Variants in ARHGAP42 observed in about 807,000 individuals in gnomAD.
ARHGAP42 encodes rho GTPase-activating protein 42.
ARHGAP42 carries 63 observed loss-of-function variants against 125.0 expected under a neutral mutation model. The ratio of observed to expected loss-of-function variants is 0.50; its 90% CI spans 0.41 to 0.62. The LOEUF is 0.62. Ranked by LOEUF, ARHGAP42 falls within the 20% of genes least tolerant of loss-of-function variation. The pLI is 0.00. For synonymous variants in ARHGAP42, 339 were observed against 351.0 expected, an observed-to-expected ratio of 0.97 and a Z score of 0.38; for missense variants, 766 against 1,024.2, an observed-to-expected ratio of 0.75 and a Z score of 3.44.
chr11:100,770,954 T>C (rs1862962947), intron 2 of ARHGAP42, among the ~76,000 whole-genome samples: 1 of 152,238 alleles, frequency 6.6e-6, no homozygotes, highest in Non-Finnish European at 1.5e-5. Flanking sequence ...AGGAAATGAC[T>C]TAATCATTCT....
At chr11:100,705,663 AG>A (rs1292915332) in intron 1 of ARHGAP42, among the ~76,000 whole-genome samples, 2 of 152,226 alleles carry the variant, frequency 1.3e-5, no homozygotes, top group East Asian at 3.8e-4. Flanking sequence ...TTCATTCAAA[AG>A]AGGATGTGAG....
intron 6 of ARHGAP42, 35 bp from the exon 7 acceptor site, chr11:100,933,121 A>G (rs1457344268): frequency 1.0e-5 from 14 of 1,397,398 alleles, no homozygotes; most frequent in Non-Finnish European, 1.4e-5. Context: ...ATTAAAACAC[A>G]TTTTCATGGT....
rs1240481388 is a variant in ARHGAP42 at position 100,965,817 on chromosome 11, A to C, written c.1550+41A>C. ...ACATTGTTCATTTAACTTATTGTTC[A>C]TTGTTAAGTTTGTTCATGTCTTTTT... is the stretch of plus-strand genomic sequence containing the variant. On this transcript the variant is annotated intron_variant, in intron 17 of 23. Coordinates refer to ENST00000298815, the MANE Select transcript of ARHGAP42 (RefSeq NM_152432.4). 8.1e-6 allele frequency: 12 copies of C among 1,478,714 alleles called. No individual in the cohort carries two copies. In the East Asian group the frequency reaches 2.7e-4, roughly 33 times the overall value. The allele number at this position is 1,478,714 out of a possible 1,614,324, so 91.6% of individuals were successfully genotyped here.
intron 2 of ARHGAP42, among the ~76,000 whole-genome samples, chr11:100,777,507 G>T (rs1863160226): frequency 6.6e-6 from 1 of 152,172 alleles, no homozygotes; most frequent in South Asian, 2.1e-4. Flanking sequence ...AGATGCGTCT[G>T]TTAGGTCAAA....
At chr11:100,887,181 A>C (rs1189819852) in intron 4 of ARHGAP42, among the ~76,000 whole-genome samples, 1 of 152,202 alleles carries the variant, frequency 6.6e-6, no homozygotes, top group Non-Finnish European at 1.5e-5. Flanking sequence ...GTACTCAGAA[A>C]ATACTAAGCA....
chr11:100,860,051 C>T lies in ARHGAP42; in HGVS notation c.384+426C>T, dbSNP rs576434070. ...AAAATTTAGAAATGTTTGTCACAAA[C>T]CCTTTTTGTTAATGTTTAATTGACT... On this transcript the variant is annotated intron_variant, in intron 4 of 23. Transcript: ENST00000298815. 18 of 152,512 alleles carry T rather than the reference C, an allele frequency of 1.2e-4. No individual in the cohort carries two copies. In the South Asian group the frequency reaches 2.3e-3, roughly 19 times the overall value. The allele number at this position is 152,512 out of a possible 1,614,324, so 9.4% of individuals were successfully genotyped here.
intron 21 of ARHGAP42, among the ~76,000 whole-genome samples, chr11:100,978,637 A>G (rs1039411155): frequency 6.6e-6 from 1 of 152,204 alleles, no homozygotes; most frequent in Non-Finnish European, 1.5e-5. Flanking sequence ...GATTCTTTGC[A>G]TCTTCACTCG....
chr11:100,898,036 A>T (rs953101843), intron 4 of ARHGAP42, among the ~76,000 whole-genome samples: 15 of 151,640 alleles, frequency 9.9e-5, no homozygotes, highest in Non-Finnish European at 1.5e-4. Context: ...GTTTATTGAG[A>T]GTTTTCAGTA....
At chr11:100,792,990 G>A (rs985425044) in intron 2 of ARHGAP42, among the ~76,000 whole-genome samples, 4 of 152,088 alleles carry the variant, frequency 2.6e-5, no homozygotes, top group African/African-American at 4.8e-5. Context: ...TCCTGACCTC[G>A]TGACCTGCAC....
At chr11:100,782,810 C>G (rs1863346230) in intron 2 of ARHGAP42, among the ~76,000 whole-genome samples, 1 of 152,124 alleles carries the variant, frequency 6.6e-6, no homozygotes, top group African/African-American at 2.4e-5. Context: ...CATCTCAGTG[C>G]TGAGGGTACT....
chr11:100,847,969 T>C (rs555901560), intron 3 of ARHGAP42, among the ~76,000 whole-genome samples: 66 of 152,266 alleles, frequency 4.3e-4, no homozygotes, highest in African/African-American at 1.5e-3. Flanking sequence ...TGTTTTCTTA[T>C]CTTGAAATGT....
intron 3 of ARHGAP42, among the ~76,000 whole-genome samples, chr11:100,811,766 C>T (rs1249248987): frequency 6.6e-6 from 1 of 152,092 alleles, no homozygotes; most frequent in Non-Finnish European, 1.5e-5. Flanking sequence ...TCCCAAAGTG[C>T]TGGGATTATA....
At position 100,988,834 on chromosome 11, in the gene ARHGAP42, A is replaced by G. The variant is rs978854552; in HGVS notation, c.*33A>G. ...TAGTGGATGGCAGTATCTTCATGGT[A>G]TCCATGGTAACGAATAAATGCTATG... On this transcript the variant is annotated 3_prime_UTR_variant, in exon 24 of 24. Transcript: ENST00000298815. The G allele has an allele frequency of 2.1e-5, 30 of 1,447,472 alleles. No homozygotes were observed. The highest frequency in any genetic ancestry group is 2.7e-5 in the Non-Finnish European group (28 of 1,056,440). The allele number at this position is 1,447,472 out of a possible 1,614,324, so 89.7% of individuals were successfully genotyped here. A position where few individuals can be genotyped will look rare whatever the true frequency, so the allele number is the denominator to read the frequency against.
chr11:100,859,479 A>G, intron 3 of ARHGAP42, 75 bp from the exon 4 acceptor site: 2 of 1,282,466 alleles, frequency 1.6e-6, no homozygotes, highest in Non-Finnish European at 2.2e-6. Flanking sequence ...GATACATTGG[A>G]TAAAGTAGCC....
chr11:100,784,771 G>A (rs1162503604), intron 2 of ARHGAP42, among the ~76,000 whole-genome samples: 1 of 152,134 alleles, frequency 6.6e-6, no homozygotes, highest in African/African-American at 2.4e-5. Flanking sequence ...GTGAAAAAGT[G>A]TATAAATTTC....
chr11:100,766,508 G>C (rs1862832782), intron 1 of ARHGAP42, among the ~76,000 whole-genome samples: 1 of 152,174 alleles, frequency 6.6e-6, no homozygotes, highest in Admixed American at 6.5e-5. Context: ...TTTAGAAACA[G>C]CTCTTCTGTT....
At chr11:100,948,610 G>T in intron 11 of ARHGAP42, 75 bp downstream of exon 11, 1 of 1,174,782 alleles carries the variant, frequency 8.5e-7, no homozygotes, top group South Asian at 1.5e-5. Context: ...TCTTTTCATA[G>T]TATACAATGT....
chr11:100,898,854 C>T (rs376685670), intron 4 of ARHGAP42, among the ~76,000 whole-genome samples: 5 of 152,054 alleles, frequency 3.3e-5, no homozygotes, highest in African/African-American at 1.2e-4. Flanking sequence ...CATTTCTGCT[C>T]TGATCTTAGT....
At chr11:100,982,614 C>T (rs929134215) in intron 22 of ARHGAP42, among the ~76,000 whole-genome samples, 1 of 152,160 alleles carries the variant, frequency 6.6e-6, no homozygotes, top group Non-Finnish European at 1.5e-5. Flanking sequence ...AAAACCTTCA[C>T]CTGGGTCTCA....
Sources: allele counts gnomAD v4.1 joint callset (sites outside exome capture counted in the v4.1 genomes callset), GRCh38; gene constraint gnomAD v4.1.1; transcripts MANE v1.5; gene names NCBI Gene and HGNC (gene_info 2026-07-23, HGNC 2026-07-21).